NFIA: variants seen among roughly 807,000 people sequenced by gnomAD.
The protein encoded by NFIA is nuclear factor 1 A-type.
Under a neutral mutation model 62.8 loss-of-function variants are expected in NFIA, and 8 were observed. The observed-to-expected ratio is 0.13, with a 90% CI of 0.07 to 0.23. NFIA has a LOEUF of 0.23. Among genes scored for constraint, NFIA ranks in the 10% least tolerant of loss-of-function variants. The pLI is 1.00. For missense variants in NFIA, 410 were observed against 642.1 expected, an observed-to-expected ratio of 0.64 and a Z score of 3.91; for synonymous variants, 235 against 238.1, an observed-to-expected ratio of 0.99 and a Z score of 0.12.
chr1:61,132,206 G>GA (rs1428912876), intron 2 of NFIA, among the ~76,000 whole-genome samples: 2 of 152,120 alleles, frequency 1.3e-5, no homozygotes, highest in Non-Finnish European at 2.9e-5. Context: ...AAAGTTATCT[G>GA]AGAGATCAGC....
chr1:61,445,581 A>T (rs1225929604), intron 10 of NFIA, among the ~76,000 whole-genome samples: 1 of 152,166 alleles, frequency 6.6e-6, no homozygotes, highest in Non-Finnish European at 1.5e-5. Context: ...CCTAAATCCT[A>T]CCACATCCTC....
At chr1:61,303,651 C>G (rs1659604647) in intron 3 of NFIA, among the ~76,000 whole-genome samples, 1 of 152,178 alleles carries the variant, frequency 6.6e-6, no homozygotes, top group South Asian at 2.1e-4. Flanking sequence ...AGGACAGTGG[C>G]TGTTTGACTT....
upstream of NFIA, chr1:61,077,673 T>C (rs1180566709): frequency 2.9e-6 from 4 of 1,365,832 alleles, no homozygotes; most frequent in Admixed American, 8.3e-5. Flanking sequence ...TTATATGATA[T>C]GCGTTTTATA....
chr1:61,149,875 G>C (rs1648278446), intron 2 of NFIA, among the ~76,000 whole-genome samples: 1 of 152,140 alleles, frequency 6.6e-6, no homozygotes, highest in Non-Finnish European at 1.5e-5. Flanking sequence ...AATGAGCCAA[G>C]GTGGCTATAA....
At chr1:61,121,432 C>T (rs549429321) in intron 2 of NFIA, among the ~76,000 whole-genome samples, 6 of 152,094 alleles carry the variant, frequency 3.9e-5, no homozygotes, top group Non-Finnish European at 7.4e-5. Flanking sequence ...CACAGGAAAT[C>T]AGAAATGGAT....
chr1:61,306,916 T>C (rs1659835337), intron 3 of NFIA, among the ~76,000 whole-genome samples: 1 of 152,322 alleles, frequency 6.6e-6, no homozygotes, highest in East Asian at 1.9e-4. Context: ...ACCAGCCTGC[T>C]CCAGTATGCC....
At chr1:61,367,091 C>A (rs1008448546) in intron 6 of NFIA, among the ~76,000 whole-genome samples, 2 of 152,222 alleles carry the variant, frequency 1.3e-5, no homozygotes, top group African/African-American at 4.8e-5. Flanking sequence ...AGTGTCACAA[C>A]TACTGGCAGC....
chr1:61,140,107 GA>G (rs1647393595), intron 2 of NFIA, among the ~76,000 whole-genome samples: 1 of 152,146 alleles, frequency 6.6e-6, no homozygotes, highest in Admixed American at 6.5e-5. Flanking sequence ...ATCCTTGTAT[GA>G]CCCTGAGACA....
chr1:61,332,893 G>A (rs1018755634), intron 4 of NFIA, among the ~76,000 whole-genome samples: 13 of 152,122 alleles, frequency 8.5e-5, no homozygotes, highest in Non-Finnish European at 1.6e-4. Flanking sequence ...AAATGCTAAT[G>A]CCCTCAGTAT....
intron 2 of NFIA, among the ~76,000 whole-genome samples, chr1:61,263,207 A>C (rs565597381): frequency 1.3e-5 from 2 of 152,220 alleles, no homozygotes; most frequent in Non-Finnish European, 2.9e-5. Flanking sequence ...AGAGTTTCCA[A>C]AGGAAATGTC....
intron 2 of NFIA, among the ~76,000 whole-genome samples, chr1:61,215,529 T>G (rs1653559192): frequency 6.6e-6 from 1 of 152,184 alleles, no homozygotes; most frequent in Non-Finnish European, 1.5e-5. Context: ...ATTCAGTTCC[T>G]TCTGTAGCTG....
intron 2 of NFIA, among the ~76,000 whole-genome samples, chr1:61,142,252 A>G (rs1647590598): frequency 6.6e-6 from 1 of 152,210 alleles, no homozygotes; most frequent in Non-Finnish European, 1.5e-5. Context: ...TTATGTTGCA[A>G]AGAAGAAAAA....
chr1:61,407,896 T>G (rs1459926644), intron 9 of NFIA, among the ~76,000 whole-genome samples: 1 of 152,136 alleles, frequency 6.6e-6, no homozygotes, highest in Non-Finnish European at 1.5e-5. Context: ...TGAATGAAGA[T>G]TCTAGGCCTC....
At chr1:61,137,035 C>T (rs1647207535) in intron 2 of NFIA, among the ~76,000 whole-genome samples, 1 of 152,036 alleles carries the variant, frequency 6.6e-6, no homozygotes, top group Admixed American at 6.6e-5. Flanking sequence ...AGCAAACTGT[C>T]CTATAAATAT....
chr1:61,198,412 C>T (rs1274265664), intron 2 of NFIA, among the ~76,000 whole-genome samples: 1 of 152,098 alleles, frequency 6.6e-6, no homozygotes, highest in Non-Finnish European at 1.5e-5. Flanking sequence ...ATGGCAGTGC[C>T]TTGCTGTGTG....
intron 2 of NFIA, among the ~76,000 whole-genome samples, chr1:61,204,542 C>T (rs181594127): frequency 1.0e-3 from 154 of 152,042 alleles, no homozygotes; most frequent in African/African-American, 3.4e-3. Flanking sequence ...TGGATGGTTA[C>T]GTAAGTTCCA....
Position 61,383,237 on chromosome 1 carries a change from G to A in NFIA, c.947G>A (p.Gly316Glu). The A allele has an allele frequency of 6.2e-7, 1 of 1,613,882 alleles. No individual in the cohort carries two copies. The highest frequency in any genetic ancestry group is 8.5e-7 in the Non-Finnish European group (1 of 1,179,866). ...QSSGWHEVEP[G>E]MPSPTTLKKS... ...CTTACCAGTTGATCCTTCTTGCCAG[G>A]AATGCCATCTCCAACCACACTGAAG... Residue 316 changes from glycine (G) to glutamate (E), a missense_variant and splice_region_variant, in exon 7 of 11, where the codon GGA (glycine) becomes GAA (glutamate). Around this residue, in one of 3 missense-constraint regions of NFIA, gnomAD observed 298 missense variants for 438.1 expected, o/e 0.68. Coordinates refer to ENST00000403491, the MANE Select transcript of NFIA (RefSeq NM_001134673.4).
chr1:61,162,018 C>A (rs1448855994), intron 2 of NFIA, among the ~76,000 whole-genome samples: 1 of 152,134 alleles, frequency 6.6e-6, no homozygotes, highest in South Asian at 2.1e-4. Flanking sequence ...TTATGAAGGA[C>A]CTCATAGATA....
intron 2 of NFIA, among the ~76,000 whole-genome samples, chr1:61,236,948 G>A (rs1312869305): frequency 6.6e-6 from 1 of 152,130 alleles, no homozygotes; most frequent in Non-Finnish European, 1.5e-5. Context: ...AGAGGCTGAG[G>A]TGTTTCATAA....
Sources: gnomAD v4.1 joint callset for allele counts (sites outside exome capture counted in the v4.1 genomes callset) on GRCh38, gnomAD v4.1.1 for gene constraint, gnomAD v4.1.1 regional missense constraint, MANE v1.5 for transcripts, NCBI Gene and HGNC (gene_info 2026-07-23, HGNC 2026-07-21) for gene names.